PLPP7: variants seen among roughly 807,000 people sequenced by gnomAD.
PLPP7 encodes the protein inactive phospholipid phosphatase 7.
PLPP7 carries 11 observed loss-of-function variants against 16.9 expected under a neutral mutation model. The ratio of observed to expected loss-of-function variants is 0.65; its 90% confidence interval spans 0.41 to 1.08. The LOEUF is 1.08. PLPP7 is among the 50% of genes least tolerant of loss of function. PLPP7 has a pLI of 0.00. For synonymous variants in PLPP7, 174 were observed against 175.1 expected (o/e 0.99, Z 0.05); for missense variants, 358 against 397.1 (o/e 0.90, Z 0.84).
intron 1 of PLPP7, chr9:131,291,531 C>T (rs1187738556): frequency 2.0e-5 from 8 of 405,594 alleles, no homozygotes; most frequent in Non-Finnish European, 2.3e-5. Flanking sequence ...ATGGCTGGGT[C>T]TGCCACCTTC....
At chr9:131,307,808 CTGAG>C (rs550288170) in intron 1 of PLPP7, 111 bp from the exon 2 acceptor site, 1 of 1,110,138 alleles carries the variant, frequency 9.0e-7, no homozygotes, top group South Asian at 1.6e-5. Context: ...GTCAGTGTGG[CTGAG>C]TGGCCTGAGT....
rs559381103 is a variant in PLPP7, at chr9:131,306,033, C to T, written c.452-1890C>T. On this transcript the variant is annotated intron_variant, in intron 1 of 1. Coordinates refer to ENST00000372264, the MANE Select transcript of PLPP7 (RefSeq NM_032728.4). ...CGGGCGGATCGCGAGGTCAGGAGAT[C>T]GAGACCATCCTGGCTAACACGATGA... Among the ~76,000 whole-genome samples the T allele has an allele frequency of 7.9e-5, 12 of 151,010 alleles. No individual in the cohort carries two copies. The South Asian group carries it at 1.0e-3, about 13-fold the overall frequency.
intron 1 of PLPP7, among the ~76,000 whole-genome samples, chr9:131,300,602 A>T (rs1213626038): frequency 6.7e-6 from 1 of 149,974 alleles, no homozygotes; most frequent in African/African-American, 2.5e-5. Flanking sequence ...GGATCATTTG[A>T]GCCCAAAAGT....
chr9:131,306,098 G>A (rs1228602067), intron 1 of PLPP7, among the ~76,000 whole-genome samples: 16 of 152,000 alleles, frequency 1.1e-4, no homozygotes, highest in African/African-American at 3.6e-4. Context: ...TTAGCCAGGC[G>A]TAGTGGCAGG....
At chr9:131,293,456 C>T (rs891298875) in intron 1 of PLPP7, among the ~76,000 whole-genome samples, 3 of 152,154 alleles carry the variant, frequency 2.0e-5, no homozygotes, top group African/African-American at 4.8e-5. Flanking sequence ...GCCCAGACCT[C>T]GGCTTGGTGG....
chr9:131,301,842 A>C (rs1416915241), intron 1 of PLPP7, among the ~76,000 whole-genome samples: 1 of 123,716 alleles, frequency 8.1e-6, no homozygotes, highest in East Asian at 2.3e-4. Context: ...TTTGAGACGG[A>C]GTCTCGCCCT....
At chr9:131,302,903 C>T (rs1835814049) in intron 1 of PLPP7, among the ~76,000 whole-genome samples, 1 of 152,204 alleles carries the variant, frequency 6.6e-6, no homozygotes, top group African/African-American at 2.4e-5. Flanking sequence ...GTCTAACTGC[C>T]TGGCATGGAC....
At chr9:131,292,369 A>G (rs1835687927) in intron 1 of PLPP7, among the ~76,000 whole-genome samples, 2 of 152,178 alleles carry the variant, frequency 1.3e-5, no homozygotes. Flanking sequence ...TGAAGATGTC[A>G]TTGGTTGAGT....
Position 131,290,525 on chromosome 9 carries a change from C to G in PLPP7, c.451+77C>G. 1 of 1,364,802 alleles carries G rather than the reference C, an allele frequency of 7.3e-7. No homozygotes were observed. The highest frequency in any genetic ancestry group is 9.7e-7 in the Non-Finnish European group (1 of 1,029,286). 84.5% of individuals were successfully genotyped at this position (1,364,802 alleles called of 1,614,324 possible). ...CTGGCCTGCCCAACCCCACCCTGGC[C>G]GGGACCTGCACAGCCCTCAGAAACC... On this transcript the variant is annotated intron_variant, in intron 1 of 1. Transcript: ENST00000372264. This position sits in a 1 kb window ranked among gnomAD's most constrained non-coding sequence, Gnocchi z 4.2.
intron 1 of PLPP7, among the ~76,000 whole-genome samples, chr9:131,302,449 T>A (rs1472083260): frequency 6.6e-6 from 1 of 152,104 alleles, no homozygotes; most frequent in Non-Finnish European, 1.5e-5. Context: ...CCTGGGGACC[T>A]GGCAGTCCCC....
intron 1 of PLPP7, among the ~76,000 whole-genome samples, chr9:131,306,600 G>T (rs1835856166): frequency 6.6e-6 from 1 of 152,156 alleles, no homozygotes; most frequent in African/African-American, 2.4e-5. Flanking sequence ...ATATTATTCG[G>T]CCATGAAAAG....
Position 131,289,914 on chromosome 9 carries a change from G to A in PLPP7, c.-84G>A, listed in dbSNP as rs913505779. ...AAGGCAGGGAGGCAGCCACGGTGGC[G>A]GCTCTGGGGGCAGCTCTTGTCTTCG... On this transcript the variant is annotated 5_prime_UTR_variant, in exon 1 of 2. Coordinates refer to ENST00000372264, the MANE Select transcript of PLPP7 (RefSeq NM_032728.4). 3.9e-5 allele frequency: 46 copies of A among 1,178,188 alleles called. No homozygotes were observed. The highest frequency in any genetic ancestry group is 7.8e-5 in the Admixed American group (2 of 25,746). 73.0% of individuals were successfully genotyped at this position (1,178,188 alleles called of 1,614,324 possible).
At chr9:131,302,751 G>A (rs1835812080) in intron 1 of PLPP7, among the ~76,000 whole-genome samples, 1 of 152,198 alleles carries the variant, frequency 6.6e-6, no homozygotes, top group Non-Finnish European at 1.5e-5. Context: ...CCAGCCCTGT[G>A]GCTAATGAGA....
chr9:131,294,358 C>T (rs1377885132), intron 1 of PLPP7, among the ~76,000 whole-genome samples: 5 of 152,168 alleles, frequency 3.3e-5, no homozygotes, highest in East Asian at 1.9e-4. Flanking sequence ...TGTTGGTTAA[C>T]GGTTAAGTAG....
At chr9:131,296,348 C>T (rs1366325991) in intron 1 of PLPP7, among the ~76,000 whole-genome samples, 1 of 152,120 alleles carries the variant, frequency 6.6e-6, no homozygotes, top group African/African-American at 2.4e-5. Flanking sequence ...ACTGCAACCT[C>T]CGCCTCCCAG....
At position 131,308,293 on chromosome 9, in the gene PLPP7, C is replaced by T; in HGVS notation, c.*6C>T. On this transcript the variant is annotated 3_prime_UTR_variant, in exon 2 of 2. Coordinates refer to ENST00000372264, the MANE Select transcript of PLPP7 (RefSeq NM_032728.4). ...TGCTCATCTCTGCCTGGTGAAGCGC[C>T]CGCCGGCCCACACAAGCCTCTGGGG... 6.3e-7 allele frequency: 1 copy of T among 1,578,972 alleles called. No homozygotes were observed. The highest frequency in any genetic ancestry group is 2.3e-5 in the East Asian group (1 of 44,142).
intron 1 of PLPP7, among the ~76,000 whole-genome samples, chr9:131,294,735 A>G (rs1835716365): frequency 6.6e-6 from 1 of 151,968 alleles, no homozygotes; most frequent in African/African-American, 2.4e-5. Context: ...CAGTGATAAG[A>G]TCTTGGCTCA....
At chr9:131,307,584 A>T (rs1421031980) in intron 1 of PLPP7, among the ~76,000 whole-genome samples, 2 of 141,484 alleles carry the variant, frequency 1.4e-5, no homozygotes, top group Non-Finnish European at 3.1e-5. Context: ...AAAAAAAAAA[A>T]CCCAAAGAAA....
At chr9:131,307,276 G>T (rs1437167725) in intron 1 of PLPP7, among the ~76,000 whole-genome samples, 1 of 149,658 alleles carries the variant, frequency 6.7e-6, no homozygotes, top group African/African-American at 2.5e-5. Flanking sequence ...AAAGGGCCGG[G>T]CGCAGTGGCT....
Sources: gnomAD v4.1 joint callset for allele counts (sites outside exome capture counted in the v4.1 genomes callset) on GRCh38, gnomAD v4.1.1 for gene constraint, Gnocchi (gnomAD v3.1) non-coding constraint, MANE v1.5 for transcripts, NCBI Gene and HGNC (gene_info 2026-07-23, HGNC 2026-07-21) for gene names.